RBMS3: variants seen among roughly 807,000 people sequenced by gnomAD.
The protein encoded by RBMS3 is RNA-binding motif, single-stranded-interacting protein 3.
A neutral mutation model predicts 66.8 loss-of-function variants in RBMS3; 27 were observed. The observed-to-expected ratio is 0.40, with a 90% CI of 0.30 to 0.56. RBMS3 has a LOEUF of 0.56. Among genes scored for constraint, RBMS3 ranks in the 20% least tolerant of loss-of-function variants. RBMS3 has a pLI of 0.40. For missense variants in RBMS3, 513 were observed against 549.5 expected, an observed-to-expected ratio of 0.93 and a Z score of 0.66; for synonymous variants, 188 against 183.0, an observed-to-expected ratio of 1.03 and a Z score of -0.22.
chr3:29,752,075 GT>G (rs952711535), intron 5 of RBMS3, among the ~76,000 whole-genome samples: 3 of 152,160 alleles, frequency 2.0e-5, no homozygotes, highest in African/African-American at 7.2e-5. Context: ...GAGGAGTGAG[GT>G]CACACGAACA....
chr3:29,462,582 C>T (rs982211580), intron 2 of RBMS3, among the ~76,000 whole-genome samples: 6 of 152,320 alleles, frequency 3.9e-5, no homozygotes, highest in Non-Finnish European at 8.8e-5. Flanking sequence ...ATGCTACCCA[C>T]TCTCTCTGTG....
rs1475265889 is a variant in RBMS3, at chr3:29,649,771, C to G, written c.399+62566C>G. On this transcript the variant is annotated intron_variant, in intron 4 of 14. Coordinates refer to ENST00000383767, the MANE Select transcript of RBMS3 (RefSeq NM_001003793.3). ...TTCCACATGAAAACATTTTTACTATCTTTTATGTATATGCATATGTTCTCC... is the reference window on the plus strand; with the variant it reads ...TTCCACATGAAAACATTTTTACTATGTTTTATGTATATGCATATGTTCTCC... 4.6e-5 allele frequency among the ~76,000 whole-genome samples: 7 copies of G among 152,140 alleles called. No homozygotes were observed. The East Asian group carries it at 1.2e-3, about 25-fold the overall frequency.
chr3:29,630,046 G>C (rs1355837963), intron 4 of RBMS3, among the ~76,000 whole-genome samples: 1 of 151,890 alleles, frequency 6.6e-6, no homozygotes, highest in Non-Finnish European at 1.5e-5. Context: ...TTTTTTCCTA[G>C]AAGGTGGCTG....
At position 29,997,785 on chromosome 3, in the gene RBMS3, A is replaced by G. The variant is rs186478995; in HGVS notation, c.1308-6071A>G. Among the ~76,000 whole-genome samples the G allele has an allele frequency of 1.4e-3, 218 of 152,228 alleles. 1 individual carries two copies. The highest frequency in any genetic ancestry group is 5.0e-3 in the African/African-American group (207 of 41,522). Reference sequence around the variant, plus strand: ...GACGTATTTCAAAATAATAAGAGCTATCTATGACAAACCCACAGCCAATAT... The same window carrying G: ...GACGTATTTCAAAATAATAAGAGCTGTCTATGACAAACCCACAGCCAATAT... On this transcript the variant is annotated intron_variant, in intron 14 of 14. Coordinates refer to ENST00000383767, the MANE Select transcript of RBMS3 (RefSeq NM_001003793.3).
At position 30,005,777 on chromosome 3, in the gene RBMS3, A is replaced by G. The variant is rs549727776; in HGVS notation, c.*1915A>G. On this transcript the variant is annotated 3_prime_UTR_variant, in exon 15 of 15. Coordinates refer to ENST00000383767, the MANE Select transcript of RBMS3 (RefSeq NM_001003793.3). ...ATTCTTTGAGGCATGTAGGACCAATAAGATTGAGAATTCTATTGGTGGAAT... is the reference window on the plus strand; with the variant it reads ...ATTCTTTGAGGCATGTAGGACCAATGAGATTGAGAATTCTATTGGTGGAAT... The G allele has an allele frequency of 6.4e-4, 98 of 151,994 alleles. No homozygotes were observed. The highest frequency in any genetic ancestry group is 2.3e-3 in the African/African-American group (96 of 41,542). 9.4% of individuals were successfully genotyped at this position (151,994 alleles called of 1,614,324 possible).
intron 6 of RBMS3, among the ~76,000 whole-genome samples, chr3:29,818,241 T>C (rs1424537383): frequency 1.3e-5 from 2 of 152,128 alleles, no homozygotes; most frequent in Non-Finnish European, 1.5e-5. Flanking sequence ...TTGTGTAACT[T>C]TTCTCTTCTA....
At chr3:29,736,341 C>T (rs947103672) in intron 4 of RBMS3, among the ~76,000 whole-genome samples, 1 of 152,152 alleles carries the variant, frequency 6.6e-6, no homozygotes, top group East Asian at 1.9e-4. Context: ...AATTTGGATT[C>T]AGAAAATAGC....
chr3:29,639,774 C>T (rs2049624735), intron 4 of RBMS3, among the ~76,000 whole-genome samples: 1 of 151,668 alleles, frequency 6.6e-6, no homozygotes, highest in Non-Finnish European at 1.5e-5. Flanking sequence ...AAAGCATAAC[C>T]GAAGAGCAAC....
chr3:29,281,620 C>T lies in RBMS3; in HGVS notation c.-62C>T. The T allele has an allele frequency of 1.4e-6, 2 of 1,394,542 alleles. No homozygotes were observed. Among genetic ancestry groups the T allele is most frequent in the Admixed American group, 1.7e-5 (1 of 59,026 alleles). The allele number at this position is 1,394,542 out of a possible 1,614,324, so 86.4% of individuals were successfully genotyped here. A position where few individuals can be genotyped will look rare whatever the true frequency, so the allele number is the denominator to read the frequency against. Reference sequence around the variant, plus strand: ...AGGAATAGTGGTTTAAGAGGAAGCTCGGCCTGGGGCACTATACCCTGTCAT... The same window carrying T: ...AGGAATAGTGGTTTAAGAGGAAGCTTGGCCTGGGGCACTATACCCTGTCAT... On this transcript the variant is annotated 5_prime_UTR_variant, in exon 1 of 15. Coordinates refer to ENST00000383767, the MANE Select transcript of RBMS3 (RefSeq NM_001003793.3).
At chr3:29,321,849 T>C (rs1306170910) in intron 1 of RBMS3, among the ~76,000 whole-genome samples, 4 of 152,152 alleles carry the variant, frequency 2.6e-5, no homozygotes, top group Non-Finnish European at 5.9e-5. Flanking sequence ...ACTCGTCCTC[T>C]CTGAGTGCTG....
chr3:29,668,097 T>C (rs150537024), intron 4 of RBMS3, among the ~76,000 whole-genome samples: 1 of 152,234 alleles, frequency 6.6e-6, no homozygotes, highest in Non-Finnish European at 1.5e-5. Flanking sequence ...TGATATTATA[T>C]GTCAGTTGTC....
chr3:29,978,376 T>C (rs1033862167), intron 12 of RBMS3, among the ~76,000 whole-genome samples: 4 of 152,146 alleles, frequency 2.6e-5, no homozygotes. Context: ...CTCCATAGCA[T>C]TGATTAGTTT....
chr3:29,524,415 ATTTTTTTTTTTTTTT>A (rs1222102515), intron 3 of RBMS3, among the ~76,000 whole-genome samples: 8 of 57,076 alleles, frequency 1.4e-4, no homozygotes, highest in Non-Finnish European at 6.2e-5. Flanking sequence ...CTCCCTTTAC[ATTTTTTTTTTTTTTT>A]TTTTTTTTTT....
chr3:29,947,179 A>T (rs1379221203), intron 12 of RBMS3, among the ~76,000 whole-genome samples: 1 of 151,516 alleles, frequency 6.6e-6, no homozygotes, highest in African/African-American at 2.4e-5. Context: ...TTGGATAATG[A>T]ACTATTTCTT....
At chr3:29,817,129 C>T (rs529471834) in intron 6 of RBMS3, among the ~76,000 whole-genome samples, 29 of 150,964 alleles carry the variant, frequency 1.9e-4, no homozygotes, top group African/African-American at 6.8e-4. Context: ...TAAAATGCCT[C>T]TAATTAGTTA....
At chr3:29,687,061 A>G (rs1200685181) in intron 4 of RBMS3, among the ~76,000 whole-genome samples, 1 of 152,152 alleles carries the variant, frequency 6.6e-6, no homozygotes, top group Non-Finnish European at 1.5e-5. Context: ...GAGGTCATGC[A>G]TTTTGAAAGT....
At chr3:29,701,879 C>T (rs542768107) in intron 4 of RBMS3, among the ~76,000 whole-genome samples, 77 of 146,958 alleles carry the variant, frequency 5.2e-4, no homozygotes, top group African/African-American at 1.8e-3. Context: ...CCCTGCTCCA[C>T]GGCGCCGCCC....
At chr3:29,888,875 C>A (rs1577074663) in intron 8 of RBMS3, among the ~76,000 whole-genome samples, 1 of 151,670 alleles carries the variant, frequency 6.6e-6, no homozygotes, top group East Asian at 1.9e-4. Flanking sequence ...TTCAACCTAG[C>A]CCTTCCTCCG....
chr3:29,821,822 C>G (rs956857452), intron 6 of RBMS3, among the ~76,000 whole-genome samples: 1 of 152,078 alleles, frequency 6.6e-6, no homozygotes, highest in Admixed American at 6.6e-5. Flanking sequence ...CATTAAGTTC[C>G]TGCCTTTGTT....
Sources: allele counts gnomAD v4.1 joint callset (sites outside exome capture counted in the v4.1 genomes callset), GRCh38; gene constraint gnomAD v4.1.1; transcripts MANE v1.5; gene names NCBI Gene and HGNC (gene_info 2026-07-23, HGNC 2026-07-21).